The following PRKG1 variants were observed in gnomAD, a reference collection of about 807,000 sequenced individuals.
PRKG1 encodes cGMP-dependent protein kinase 1.
Under a neutral mutation model 88.1 loss-of-function variants are expected in PRKG1, and 35 were observed. The observed-to-expected ratio is 0.40, with a 90% CI of 0.30 to 0.53. The LOEUF is 0.53. Ranked by LOEUF, PRKG1 falls within the 20% of genes least tolerant of loss-of-function variation. The pLI is 0.59. For synonymous variants in PRKG1, 303 were observed against 292.5 expected (o/e 1.04, Z -0.37); for missense variants, 540 against 839.8 (o/e 0.64, Z 4.41).
intron 14 of PRKG1, among the ~76,000 whole-genome samples, 179 bp downstream of exon 14, chr10:52,282,495 C>G (rs995005555): frequency 1.3e-5 from 2 of 152,022 alleles, no homozygotes; most frequent in African/African-American, 4.8e-5. Context: ...ATAGTCCAGG[C>G]TAGGGCAACC....
At chr10:52,205,293 TC>T (rs1554817146) in intron 9 of PRKG1, among the ~76,000 whole-genome samples, 1 of 152,076 alleles carries the variant, frequency 6.6e-6, no homozygotes, top group Non-Finnish European at 1.5e-5. Flanking sequence ...GTACACTCCC[TC>T]CCCTTTGAAA....
At chr10:51,609,513 A>G (rs752540253) in intron 3 of PRKG1, among the ~76,000 whole-genome samples, 1 of 152,214 alleles carries the variant, frequency 6.6e-6, no homozygotes, top group Non-Finnish European at 1.5e-5. Context: ...AATATAAATC[A>G]TTCTATTACA....
chr10:52,180,879 A>G (rs2174261), intron 9 of PRKG1, among the ~76,000 whole-genome samples: 66,017 of 151,984 alleles, frequency 0.43, 14,900 homozygotes, highest in African/African-American at 0.57. Context: ...GGGGCATGCC[A>G]GCCAGGTGTG....
At chr10:51,795,537 G>A (rs1838987220) in intron 3 of PRKG1, among the ~76,000 whole-genome samples, 1 of 152,076 alleles carries the variant, frequency 6.6e-6, no homozygotes. Flanking sequence ...GAACATTCCG[G>A]CAGTTAGAAT....
intron 9 of PRKG1, among the ~76,000 whole-genome samples, chr10:52,163,225 T>TTGTGTGTGTG (rs150295348): frequency 4.1e-4 from 60 of 146,812 alleles, no homozygotes; most frequent in African/African-American, 1.4e-3. Context: ...TTTCGTGTGT[T>TTGTGTGTGTG]TGTGTGTGTG....
chr10:51,114,932 T>C (rs992221896), intron 1 of PRKG1, among the ~76,000 whole-genome samples: 4 of 152,194 alleles, frequency 2.6e-5, no homozygotes, highest in Non-Finnish European at 5.9e-5. Context: ...CTAAAACTTA[T>C]TTGAATATTT....
intron 3 of PRKG1, among the ~76,000 whole-genome samples, chr10:51,638,973 C>G (rs1265489389): frequency 6.6e-6 from 1 of 152,126 alleles, no homozygotes; most frequent in Non-Finnish European, 1.5e-5. Flanking sequence ...CAGCCACTAT[C>G]TTTATACACT....
intron 2 of PRKG1, among the ~76,000 whole-genome samples, chr10:51,278,472 A>G (rs1285917607): frequency 6.6e-6 from 1 of 152,214 alleles, no homozygotes; most frequent in Non-Finnish European, 1.5e-5. Context: ...GCCTCATAAA[A>G]TGAGTTTGGG....
At chr10:51,505,179 G>C (rs1448506596) in intron 3 of PRKG1, among the ~76,000 whole-genome samples, 1 of 152,140 alleles carries the variant, frequency 6.6e-6, no homozygotes, top group Non-Finnish European at 1.5e-5. Context: ...TTTTTAGCAT[G>C]AAGGGTTGTT....
chr10:51,392,509 GAA>G (rs1288159782), intron 2 of PRKG1, among the ~76,000 whole-genome samples: 1 of 152,146 alleles, frequency 6.6e-6, no homozygotes, highest in Admixed American at 6.5e-5. Context: ...AGAACAAAAT[GAA>G]AAGTCTCCCA....
intron 3 of PRKG1, among the ~76,000 whole-genome samples, chr10:51,790,472 A>G (rs1226415191): frequency 6.6e-6 from 1 of 152,182 alleles, no homozygotes; most frequent in Admixed American, 6.5e-5. Flanking sequence ...TCTGTTTCCT[A>G]AAAGAGAATA....
chr10:52,200,230 G>T (rs1288724171), intron 9 of PRKG1, among the ~76,000 whole-genome samples: 2 of 151,918 alleles, frequency 1.3e-5, no homozygotes. Context: ...TATCAAACAG[G>T]CCCTGGTGTC....
At chr10:51,278,024 C>G (rs1019438557) in intron 2 of PRKG1, among the ~76,000 whole-genome samples, 8 of 152,138 alleles carry the variant, frequency 5.3e-5, no homozygotes, top group Admixed American at 2.0e-4. Flanking sequence ...GCATCCCTGT[C>G]TTGTGCCAGT....
chr10:51,934,253 T>TAC (rs1338342226), intron 5 of PRKG1, among the ~76,000 whole-genome samples: 1 of 107,320 alleles, frequency 9.3e-6, no homozygotes, highest in East Asian at 2.6e-4. Context: ...TACACACACA[T>TAC]ACCCCCCCCC....
At chr10:51,405,524 A>C (rs550150027) in intron 2 of PRKG1, among the ~76,000 whole-genome samples, 15 of 152,340 alleles carry the variant, frequency 9.8e-5, no homozygotes, top group African/African-American at 3.6e-4. Context: ...ATTTCAAATA[A>C]GTAAACCATG....
At chr10:51,153,084 A>G (rs1846118356) in intron 1 of PRKG1, 80 bp from the exon 2 acceptor site, 1 of 1,219,306 alleles carries the variant, frequency 8.2e-7, no homozygotes, top group Non-Finnish European at 1.1e-6. Context: ...GTGCCAGAGC[A>G]CTCTATGGCG....
chr10:51,345,446 A>G (rs896654586), intron 2 of PRKG1, among the ~76,000 whole-genome samples: 4 of 152,164 alleles, frequency 2.6e-5, no homozygotes, highest in African/African-American at 9.6e-5. Flanking sequence ...ACTGTGCTTG[A>G]TTGACATAAT....
intron 9 of PRKG1, among the ~76,000 whole-genome samples, chr10:52,218,522 A>C (rs2132818940): frequency 6.6e-6 from 1 of 152,280 alleles, no homozygotes; most frequent in South Asian, 2.1e-4. Flanking sequence ...ACATAAACTT[A>C]CCCAACTGTA....
intron 1 of PRKG1, among the ~76,000 whole-genome samples, chr10:51,054,247 G>T (rs1192911192): frequency 6.6e-6 from 1 of 152,088 alleles, no homozygotes; most frequent in African/African-American, 2.4e-5. Context: ...TCTGAGGAAT[G>T]TGTTCCAATT....
Sources: gnomAD v4.1 joint callset for allele counts (sites outside exome capture counted in the v4.1 genomes callset) on GRCh38, gnomAD v4.1.1 for gene constraint, MANE v1.5 for transcripts, NCBI Gene and HGNC (gene_info 2026-07-23, HGNC 2026-07-21) for gene names.